SYNE1: variants seen among roughly 807,000 people sequenced by gnomAD.
SYNE1 encodes the protein nesprin-1.
Under a neutral mutation model 1,111.0 loss-of-function variants are expected in SYNE1, and 616 were observed. The observed-to-expected ratio is 0.55, with a 90% CI of 0.52 to 0.59. The LOEUF (loss-of-function observed/expected upper bound fraction) is 0.59, where lower values mean the gene tolerates loss of function less well. Ranked by LOEUF, SYNE1 falls within the 20% of genes least tolerant of loss-of-function variation. The pLI is 0.00. For missense variants in SYNE1, 10,006 were observed against 10,417.0 expected, an observed-to-expected ratio of 0.96 and a Z score of 1.72; for synonymous variants, 3,855 against 3,825.8, an observed-to-expected ratio of 1.01 and a Z score of -0.28.
intron 3 of SYNE1, among the ~76,000 whole-genome samples, chr6:152,590,243 T>C (rs2099555096): frequency 6.6e-6 from 1 of 151,784 alleles, no homozygotes; most frequent in Admixed American, 6.6e-5. Context: ...AAAAATTATG[T>C]CTTATTACTA....
intron 131 of SYNE1, among the ~76,000 whole-genome samples, chr6:152,161,437 ATTTATC>A (rs1399727019): frequency 2.7e-5 from 4 of 150,860 alleles, no homozygotes; most frequent in Non-Finnish European, 5.9e-5. Flanking sequence ...TTTTTCATAT[ATTTATC>A]TTTTTGTTTT....
chr6:152,477,385 G>C (rs2098841292), intron 14 of SYNE1, among the ~76,000 whole-genome samples: 1 of 152,146 alleles, frequency 6.6e-6, no homozygotes, highest in Admixed American at 6.5e-5. Context: ...GGACCTTTTA[G>C]TAAAGGCCTT....
At position 152,391,594 on chromosome 6, in the gene SYNE1, AG is replaced by A. The variant is rs373422864; in HGVS notation, c.7713-27del. The A allele has an allele frequency of 1.7e-3, 2,543 of 1,524,572 alleles. 49 individuals are homozygous for A. In the African/African-American group the frequency reaches 0.049, roughly 29 times the overall value. The allele number at this position is 1,524,572 out of a possible 1,614,324, so 94.4% of individuals were successfully genotyped here. The stretch of plus-strand genomic sequence containing the variant: ...CTGAAAAAAAGGAAAAAAAAAAAAA[AG>A]AAAAAAAATTAATTCTGACATCCTG... On this transcript the variant is annotated intron_variant, in intron 51 of 145. Transcript: ENST00000367255.
intron 91 of SYNE1, among the ~76,000 whole-genome samples, chr6:152,307,833 C>CTTG (rs146905714): frequency 4.0e-5 from 6 of 151,444 alleles, no homozygotes; most frequent in Non-Finnish European, 7.4e-5. Flanking sequence ...AATATTAAGT[C>CTTG]TTGTTTGTTT....
At chr6:152,212,685 C>T (rs1046516783) in intron 123 of SYNE1, among the ~76,000 whole-genome samples, 3 of 152,114 alleles carry the variant, frequency 2.0e-5, no homozygotes, top group Admixed American at 1.3e-4. Context: ...CTCTACGTAA[C>T]TCTATATGGT....
Position 152,234,703 on chromosome 6 carries a change from G to C in SYNE1, c.20494C>G (p.Leu6832Val), listed in dbSNP as rs1164799139. Residue 6832 changes from leucine (L) to valine (V), a missense_variant, in exon 111 of 146, where the codon CTG becomes GTG. Leu to Val is a conservative substitution (Grantham distance 32, BLOSUM62 1). Transcript: ENST00000367255. ...TQQSVTVPQELEMVRDHLNAF... is the reference protein window; with the variant it reads ...TQQSVTVPQEVEMVRDHLNAF... Reference sequence around the variant, plus strand: ...TTTAGATGATCACGGACCATTTCCAGCTCTTGTGGGACTGTCACAGATTGC... The same window carrying C: ...TTTAGATGATCACGGACCATTTCCACCTCTTGTGGGACTGTCACAGATTGC... 6.2e-7 allele frequency: 1 copy of C among 1,614,200 alleles called. No individual in the cohort carries two copies.
intron 3 of SYNE1, among the ~76,000 whole-genome samples, chr6:152,551,646 C>A (rs1213854956): frequency 6.6e-6 from 1 of 152,178 alleles, no homozygotes; most frequent in Non-Finnish European, 1.5e-5. Flanking sequence ...AATATCACTT[C>A]TACATGATTA....
At chr6:152,450,585 G>A (rs371626833) in intron 27 of SYNE1, 40 bp downstream of exon 27, 2 of 1,530,818 alleles carry the variant, frequency 1.3e-6, no homozygotes, top group African/African-American at 2.7e-5. Flanking sequence ...ACAGAATTAA[G>A]TTTGACTACA....
chr6:152,187,172 T>C (rs1274789963), intron 128 of SYNE1, among the ~76,000 whole-genome samples: 7 of 152,192 alleles, frequency 4.6e-5, no homozygotes, highest in Admixed American at 1.3e-4. Context: ...ATCTCATACA[T>C]GTATCCCCCG....
At chr6:152,543,151 T>C (rs564347694) in intron 3 of SYNE1, among the ~76,000 whole-genome samples, 8 of 152,304 alleles carry the variant, frequency 5.3e-5, no homozygotes, top group Admixed American at 2.0e-4. Flanking sequence ...TCTGAGTTTA[T>C]AGTTAGACTT....
Position 152,311,151 on chromosome 6 carries a change from GCC to G in SYNE1, c.16711-280_16711-279del. ...GCTCCTGCTCGGTCAAGCCCAAGCT[GCC>G]CCCTCGTGAGAACAGGACATAGGAA... On this transcript the variant is annotated intron_variant, in intron 87 of 145. Coordinates refer to ENST00000367255, the MANE Select transcript of SYNE1 (RefSeq NM_182961.4). 3 of 475,464 alleles carry G rather than the reference GCC, an allele frequency of 6.3e-6. No homozygotes were observed. In the Admixed American group the frequency reaches 1.0e-4, roughly 16 times the overall value. 29.5% of individuals were successfully genotyped at this position (475,464 alleles called of 1,614,324 possible).
At chr6:152,438,766 T>C (rs890197468) in intron 32 of SYNE1, among the ~76,000 whole-genome samples, 26 of 152,258 alleles carry the variant, frequency 1.7e-4, no homozygotes, top group African/African-American at 6.3e-4. Context: ...GCACAACTAC[T>C]CAAGGGCTAT....
chr6:152,468,045 A>G (rs920416655), intron 16 of SYNE1, among the ~76,000 whole-genome samples: 1 of 152,158 alleles, frequency 6.6e-6, no homozygotes, highest in Non-Finnish European at 1.5e-5. Flanking sequence ...CCCAAGTTCA[A>G]CAAATAAGCC....
chr6:152,541,564 C>T (rs976734852), intron 3 of SYNE1, among the ~76,000 whole-genome samples: 20 of 151,836 alleles, frequency 1.3e-4, no homozygotes, highest in Middle Eastern at 3.4e-3. Context: ...CTGGCTAACA[C>T]GGTGAAACCC....
chr6:152,171,018 T>A (rs185733278), intron 130 of SYNE1, among the ~76,000 whole-genome samples: 1 of 152,192 alleles, frequency 6.6e-6, no homozygotes, highest in Admixed American at 6.5e-5. Flanking sequence ...TGCCACCATG[T>A]AAGATGTGCC....
intron 72 of SYNE1, 140 bp from the exon 73 acceptor site, chr6:152,347,375 G>T: frequency 1.0e-6 from 1 of 995,104 alleles, no homozygotes; most frequent in Non-Finnish European, 1.5e-6. Flanking sequence ...TATATTAAAT[G>T]AAAACAAAAG....
intron 76 of SYNE1, among the ~76,000 whole-genome samples, chr6:152,334,864 T>C (rs1481087283): frequency 6.6e-6 from 1 of 152,192 alleles, no homozygotes; most frequent in Non-Finnish European, 1.5e-5. Flanking sequence ...CTATTCAAGA[T>C]GGAGTCGCTC....
intron 105 of SYNE1, among the ~76,000 whole-genome samples, chr6:152,246,742 T>C (rs925621389): frequency 6.6e-6 from 1 of 152,090 alleles, no homozygotes; most frequent in African/African-American, 2.4e-5. Context: ...TGGATAAAAA[T>C]AGATCCTCCC....
Position 152,318,180 on chromosome 6 carries a change from G to T in SYNE1, c.16473C>A (p.Gly5491=). The change falls in exon 86 of 146, where the codon GGC becomes GGA. Residue 5491 remains glycine, a synonymous_variant. Transcript: ENST00000367255. ...TCTTGGCCAGTGGCTTACCCAGTTGGCCATTCTGTTCCAAGAATTTCTGTA... is the reference window on the plus strand; with the variant it reads ...TCTTGGCCAGTGGCTTACCCAGTTGTCCATTCTGTTCCAAGAATTTCTGTA... ...AAVQKFLEQN[G]QLGKPLAKKI... The T allele has an allele frequency of 6.2e-7, 1 of 1,614,016 alleles. No individual in the cohort carries two copies. The highest frequency in any genetic ancestry group is 8.5e-7 in the Non-Finnish European group (1 of 1,180,002).
Sources: allele counts gnomAD v4.1 joint callset (sites outside exome capture counted in the v4.1 genomes callset), GRCh38; gene constraint gnomAD v4.1.1; transcripts MANE v1.5; gene names NCBI Gene and HGNC (gene_info 2026-07-23, HGNC 2026-07-21).